ADD2: variants seen among roughly 807,000 people sequenced by gnomAD.
ADD2 encodes the protein beta-adducin.
ADD2 carries 23 observed loss-of-function variants against 83.0 expected under a neutral mutation model. The ratio of observed to expected loss-of-function variants is 0.28; its 90% CI spans 0.20 to 0.39. The LOEUF is 0.39. ADD2 is among the 10% of genes least tolerant of loss of function. The pLI, the probability that ADD2 is intolerant of heterozygous loss-of-function variation, is 1.00. For missense variants in ADD2, 758 were observed against 944.9 expected (o/e 0.80, Z 2.59); for synonymous variants, 375 against 375.4 (o/e 1.00, Z 0.01).
At chr2:70,669,670 G>A (rs1269575004) in intron 15 of ADD2, among the ~76,000 whole-genome samples, 1 of 152,210 alleles carries the variant, frequency 6.6e-6, no homozygotes, top group Non-Finnish European at 1.5e-5. Context: ...CCCTGTGGCT[G>A]GCAAAACCAA....
chr2:70,718,877 A>G (rs1672600086), intron 1 of ADD2, among the ~76,000 whole-genome samples: 1 of 152,128 alleles, frequency 6.6e-6, no homozygotes, highest in Admixed American at 6.5e-5. Flanking sequence ...GCCTGGTAGG[A>G]GGTGGGGGAA....
chr2:70,663,326 A>T lies in ADD2; in HGVS notation c.*99T>A. 1 of 1,352,778 alleles carries T rather than the reference A, an allele frequency of 7.4e-7. No individual in the cohort carries two copies. The highest frequency in any genetic ancestry group is 1.0e-6 in the Non-Finnish European group (1 of 980,804). The allele number at this position is 1,352,778 out of a possible 1,614,324, so 83.8% of individuals were successfully genotyped here. ...CCTTCCGAATGTGGTCCAGGGTCCT[A>T]CTCTATCCCTCCTTAGCCCTGTGCT... On this transcript the variant is annotated 3_prime_UTR_variant, in exon 16 of 16. Transcript: ENST00000264436.
At chr2:70,684,579 A>G (rs1356017146) in intron 9 of ADD2, among the ~76,000 whole-genome samples, 2 of 152,224 alleles carry the variant, frequency 1.3e-5, no homozygotes, top group African/African-American at 4.8e-5. Context: ...GTCACTTGAA[A>G]GAAATAGGCT....
chr2:70,696,565 C>T (rs6739747), intron 4 of ADD2, among the ~76,000 whole-genome samples, 169 bp from the exon 5 acceptor site: 2,986 of 152,238 alleles, frequency 0.02, 109 homozygotes, highest in African/African-American at 0.069. Flanking sequence ...ACAGAATCGA[C>T]GTCTGTGCCC....
At chr2:70,767,805 C>G (rs1048228541) in intron 1 of ADD2, 81 bp downstream of exon 1, 5 of 1,515,750 alleles carry the variant, frequency 3.3e-6, no homozygotes, top group South Asian at 1.2e-5. Flanking sequence ...GGCTCCCGCC[C>G]GGCCGAGGGA....
At chr2:70,745,915 T>C (rs1674167028) in intron 1 of ADD2, among the ~76,000 whole-genome samples, 1 of 152,224 alleles carries the variant, frequency 6.6e-6, no homozygotes, top group Non-Finnish European at 1.5e-5. Context: ...ATGTAAGTTA[T>C]TGTCAAAATA....
intron 1 of ADD2, among the ~76,000 whole-genome samples, chr2:70,744,757 G>C (rs1194666902): frequency 6.6e-6 from 1 of 152,142 alleles, no homozygotes; most frequent in Non-Finnish European, 1.5e-5. Context: ...AAATAGAATA[G>C]GGGATGGGTC....
In ADD2 at chr2:70,661,212, G is replaced by A. The variant is rs537453912; in HGVS notation, c.*2213C>T. 3.3e-5 allele frequency: 5 copies of A among 152,296 alleles called. No individual in the cohort carries two copies. The highest frequency in any genetic ancestry group is 2.1e-4 in the South Asian group (1 of 4,818). 9.4% of individuals were successfully genotyped at this position (152,296 alleles called of 1,614,324 possible). On this transcript the variant is annotated 3_prime_UTR_variant, in exon 16 of 16. Transcript: ENST00000264436. ...TCGCACACAAAAGGCTGCATCAGAG[G>A]TCGTGTTCACCATTCTCACAACATC...
chr2:70,674,484 G>C (rs1416186799), intron 14 of ADD2, among the ~76,000 whole-genome samples, 194 bp downstream of exon 14: 1 of 152,208 alleles, frequency 6.6e-6, no homozygotes, highest in Non-Finnish European at 1.5e-5. Context: ...TGCCCGGTAA[G>C]AGGGTCAAGT....
intron 13 of ADD2, chr2:70,675,976 G>A (rs1670118675): frequency 8.1e-6 from 8 of 985,464 alleles, no homozygotes; most frequent in Non-Finnish European, 9.6e-6. Flanking sequence ...TGGGGTTGGG[G>A]GGAGGTAAGT....
At chr2:70,713,250 G>A (rs1294035240) in intron 1 of ADD2, 66 bp from the exon 2 acceptor site, 3 of 641,792 alleles carry the variant, frequency 4.7e-6, no homozygotes, top group Non-Finnish European at 5.8e-6. Context: ...TGATTTATAA[G>A]AGCTTCTGGG....
chr2:70,696,444 C>T (rs368826057), intron 4 of ADD2, 48 bp from the exon 5 acceptor site: 2 of 1,607,940 alleles, frequency 1.2e-6, no homozygotes, highest in Non-Finnish European at 1.7e-6. Context: ...ATCTGCCCTC[C>T]CCTTCCTTGC....
chr2:70,669,456 A>C (rs992046944), intron 15 of ADD2, among the ~76,000 whole-genome samples: 4 of 152,206 alleles, frequency 2.6e-5, no homozygotes, highest in Admixed American at 6.5e-5. Context: ...ACCCCCAAAA[A>C]CTGAGAGTAC....
In ADD2 at chr2:70,663,700, T is replaced by TGGC. The variant is rs1675632404; in HGVS notation, c.1903_1905dup (p.Ala635dup). On this transcript the variant is annotated inframe_insertion, in exon 16 of 16. Coordinates refer to ENST00000264436, the MANE Select transcript of ADD2 (RefSeq NM_001617.4). ...GGCTGGGTTGTTTCGGGCTCTGTGGTGGCGGCTTTGCTTGTTTCTGTCTTC... is the reference window on the plus strand; with the variant it reads ...GGCTGGGTTGTTTCGGGCTCTGTGGTGGCGGCGGCTTTGCTTGTTTCTGTCTTC... 2 of 1,614,066 alleles carry TGGC rather than the reference T, an allele frequency of 1.2e-6. No individual in the cohort carries two copies. Among genetic ancestry groups the TGGC allele is most frequent in the South Asian group, 1.1e-5 (1 of 91,072 alleles).
intron 4 of ADD2, 76 bp downstream of exon 4, chr2:70,704,245 T>C: frequency 6.8e-7 from 1 of 1,475,266 alleles, no homozygotes; most frequent in Non-Finnish European, 9.3e-7. Flanking sequence ...AGATGCTTCT[T>C]GCTGCTCCTC....
chr2:70,705,173 C>A (rs1671818446), intron 3 of ADD2, among the ~76,000 whole-genome samples: 1 of 152,204 alleles, frequency 6.6e-6, no homozygotes, highest in East Asian at 1.9e-4. Flanking sequence ...CCCTTGCCAC[C>A]CCTCCTAGTC....
Position 70,678,835 on chromosome 2 carries a change from C to G in ADD2, c.1252G>C (p.Ala418Pro), listed in dbSNP as rs376364638. The G allele has an allele frequency of 1.3e-5, 21 of 1,614,046 alleles. No individual in the cohort carries two copies. In the African/African-American group the frequency reaches 2.4e-4, roughly 18 times the overall value. The part of the protein sequence containing the change: ...VFEEDGAPVP[A>P]LRQHAQKQQK... ...TGCTTCTGGGCATGCTGTCGCAGGG[C>G]GGGCACCGGGGCACCGTCCTCCTCA... Residue 418 changes from alanine to proline, a missense_variant, in exon 11 of 16, where the codon GCC becomes CCC. Ala to Pro is a conservative substitution (Grantham distance 27, BLOSUM62 -1). Coordinates refer to ENST00000264436, the MANE Select transcript of ADD2 (RefSeq NM_001617.4).
chr2:70,683,872 T>C (rs1251215752), intron 9 of ADD2, 105 bp from the exon 10 acceptor site: 1 of 1,312,154 alleles, frequency 7.6e-7, no homozygotes, highest in Non-Finnish European at 1.0e-6. Flanking sequence ...GAGGAGAACT[T>C]AGAGGCCAAA....
chr2:70,754,508 A>G (rs143052966), intron 1 of ADD2, among the ~76,000 whole-genome samples: 24 of 151,778 alleles, frequency 1.6e-4, no homozygotes, highest in African/African-American at 5.8e-4. Flanking sequence ...CAGTCTTCCA[A>G]CTTGACTTCC....
Sources: allele counts gnomAD v4.1 joint callset (sites outside exome capture counted in the v4.1 genomes callset), GRCh38; gene constraint gnomAD v4.1.1; transcripts MANE v1.5; gene names NCBI Gene and HGNC (gene_info 2026-07-23, HGNC 2026-07-21).